Variants in PRMT8 observed in about 807,000 individuals in gnomAD.
PRMT8 encodes the protein protein arginine methyltransferase 8.
A neutral mutation model predicts 47.1 loss-of-function variants in PRMT8; 7 were observed. The ratio of observed to expected loss-of-function variants is 0.15; its 90% CI spans 0.08 to 0.28. PRMT8 has a LOEUF of 0.28. Among genes scored for constraint, PRMT8 ranks in the 10% least tolerant of loss-of-function variants. PRMT8 has a pLI of 1.00. For missense variants in PRMT8, 237 were observed against 505.4 expected, an observed-to-expected ratio of 0.47 and a Z score of 5.09; for synonymous variants, 188 against 186.5, an observed-to-expected ratio of 1.01 and a Z score of -0.07.
rs563240728 is a variant in PRMT8 at position 3,566,355 on chromosome 12, A to G, written c.482-2351A>G. ...CTCTGAGACCCAGAGAAACTTCAAC[A>G]CCTACCCCTCCCACTCCCACCAAAA... On this transcript the variant is annotated intron_variant, in intron 4 of 9. Transcript: ENST00000382622. This position sits in a 1 kb window ranked among gnomAD's most constrained non-coding sequence, Gnocchi z 4.7. 1.3e-5 allele frequency among the ~76,000 whole-genome samples: 2 copies of G among 152,264 alleles called. No individual in the cohort carries two copies. Among genetic ancestry groups the G allele is most frequent in the East Asian group, 3.9e-4 (2 of 5,180 alleles).
chr12:3,462,235 A>G (rs1764717096), intron 1 of PRMT8, among the ~76,000 whole-genome samples: 1 of 152,056 alleles, frequency 6.6e-6, no homozygotes, highest in Non-Finnish European at 1.5e-5. Context: ...ATTCCTTTTT[A>G]TGCCGTGAAT....
At position 3,508,235 on chromosome 12, in the gene PRMT8, A is replaced by T. The variant is rs1865660292; in HGVS notation, c.75+16535A>T. 6.6e-6 allele frequency among the ~76,000 whole-genome samples: 1 copy of T among 152,190 alleles called. No homozygotes were observed. The highest frequency in any genetic ancestry group is 6.5e-5 in the Admixed American group (1 of 15,282). ...CAATTCTGATGTTCACCGAAAGTAG[A>T]TATAAATGACCTATTCCAGACAGAC... On this transcript the variant is annotated intron_variant, in intron 1 of 9. Coordinates refer to ENST00000382622, the MANE Select transcript of PRMT8 (RefSeq NM_019854.5). This position sits in a 1 kb window ranked among gnomAD's most constrained non-coding sequence, Gnocchi z 4.9.
At chr12:3,544,909 G>A (rs1002757203) in intron 2 of PRMT8, among the ~76,000 whole-genome samples, 4 of 152,176 alleles carry the variant, frequency 2.6e-5, no homozygotes, top group Non-Finnish European at 5.9e-5. Context: ...CAGGCTCTCC[G>A]GGGGTACTCA....
intron 6 of PRMT8, among the ~76,000 whole-genome samples, chr12:3,574,296 A>G (rs1021513721): frequency 2.0e-5 from 3 of 152,264 alleles, no homozygotes; most frequent in African/African-American, 7.2e-5. Flanking sequence ...ACTTGAAGAC[A>G]GTAAAGATCA....
intron 1 of PRMT8, among the ~76,000 whole-genome samples, chr12:3,452,173 G>A (rs930801642): frequency 2.0e-5 from 3 of 152,190 alleles, no homozygotes; most frequent in African/African-American, 7.2e-5. Flanking sequence ...AGGACAGAGG[G>A]TGGGAAGAGG....
chr12:3,553,344 T>G, intron 3 of PRMT8: 2 of 447,768 alleles, frequency 4.5e-6, no homozygotes, highest in East Asian at 7.7e-5. Flanking sequence ...CTCCTGCCAT[T>G]CTCTGCTGGC....
chr12:3,401,844 T>A (rs1864320854), intron 1 of PRMT8, among the ~76,000 whole-genome samples: 1 of 152,072 alleles, frequency 6.6e-6, no homozygotes. Context: ...CACAAACAAA[T>A]GGAAAAACAT....
intron 1 of PRMT8, among the ~76,000 whole-genome samples, chr12:3,425,654 T>C (rs1003937594): frequency 3.3e-5 from 5 of 152,236 alleles, no homozygotes; most frequent in African/African-American, 9.6e-5. Flanking sequence ...GCTATTTGAT[T>C]TTGGGCTTTA....
intron 1 of PRMT8, among the ~76,000 whole-genome samples, chr12:3,515,417 A>G (rs569221708): frequency 6.6e-6 from 1 of 152,360 alleles, no homozygotes; most frequent in South Asian, 2.1e-4. Flanking sequence ...CTAATGCTAA[A>G]TGACGAGTTA....
At chr12:3,528,784 C>T (rs1865982740) in intron 1 of PRMT8, among the ~76,000 whole-genome samples, 3 of 152,064 alleles carry the variant, frequency 2.0e-5, no homozygotes, top group Admixed American at 6.5e-5. Context: ...TGCTTCTAAG[C>T]TTTGTTTTGA....
At chr12:3,433,204 G>A (rs1482539233) in intron 1 of PRMT8, among the ~76,000 whole-genome samples, 1 of 152,232 alleles carries the variant, frequency 6.6e-6, no homozygotes, top group Non-Finnish European at 1.5e-5. Flanking sequence ...AGTGAGGTTA[G>A]CATCCCTTCA....
At chr12:3,445,597 C>T (rs1864847933) in intron 1 of PRMT8, among the ~76,000 whole-genome samples, 1 of 152,102 alleles carries the variant, frequency 6.6e-6, no homozygotes, top group African/African-American at 2.4e-5. Flanking sequence ...GGTGTTACTC[C>T]ACAGGGATCA....
intron 4 of PRMT8, among the ~76,000 whole-genome samples, chr12:3,554,693 AG>A (rs1388160338): frequency 6.6e-6 from 1 of 152,158 alleles, no homozygotes; most frequent in Non-Finnish European, 1.5e-5. Context: ...AAAAGAGGCC[AG>A]GTTGGGAAGG....
intron 2 of PRMT8, among the ~76,000 whole-genome samples, chr12:3,549,529 A>G (rs1473977857): frequency 6.6e-6 from 1 of 151,956 alleles, no homozygotes; most frequent in African/African-American, 2.4e-5. Flanking sequence ...GGCAAACAAA[A>G]CAAAATATAC....
At chr12:3,554,834 G>T (rs1866497007) in intron 4 of PRMT8, among the ~76,000 whole-genome samples, 1 of 152,174 alleles carries the variant, frequency 6.6e-6, no homozygotes, top group African/African-American at 2.4e-5. Context: ...TTTGCTCTAT[G>T]GATGCAGCCC....
At chr12:3,532,124 C>T (rs1264171636) in intron 1 of PRMT8, among the ~76,000 whole-genome samples, 1 of 151,924 alleles carries the variant, frequency 6.6e-6, no homozygotes, top group Non-Finnish European at 1.5e-5. Context: ...TGTTTGAAGT[C>T]GGAGCCCAGG....
intron 1 of PRMT8, among the ~76,000 whole-genome samples, chr12:3,386,061 C>T (rs573066439): frequency 3.3e-5 from 5 of 152,344 alleles, no homozygotes; most frequent in African/African-American, 7.2e-5. Flanking sequence ...TTTAGTTTCA[C>T]ACTGCTTTTC....
intron 1 of PRMT8, among the ~76,000 whole-genome samples, chr12:3,513,178 G>A (rs1865738634): frequency 6.6e-6 from 1 of 152,170 alleles, no homozygotes; most frequent in Non-Finnish European, 1.5e-5. Flanking sequence ...GGCGGAATCT[G>A]TAAGGAGGTA....
intron 1 of PRMT8, among the ~76,000 whole-genome samples, chr12:3,427,571 TC>T (rs1451627736): frequency 2.6e-5 from 4 of 152,088 alleles, no homozygotes; most frequent in African/African-American, 9.7e-5. Context: ...TATTTTACTT[TC>T]CTTACACACC....
Sources: gnomAD v4.1 joint callset for allele counts (sites outside exome capture counted in the v4.1 genomes callset) on GRCh38, gnomAD v4.1.1 for gene constraint, Gnocchi (gnomAD v3.1) non-coding constraint, MANE v1.5 for transcripts, NCBI Gene and HGNC (gene_info 2026-07-23, HGNC 2026-07-21) for gene names.